The following C9orf72 variants were observed in gnomAD, a reference collection of about 807,000 sequenced individuals.
The protein encoded by C9orf72 is C9orf72-SMCR8 complex subunit.
Under a neutral mutation model 51.6 loss-of-function variants are expected in C9orf72, and 44 were observed. That is an observed-to-expected ratio of 0.85 (90% CI 0.67 to 1.10). C9orf72 has a LOEUF of 1.10. C9orf72 is among the 50% of genes least tolerant of loss of function. C9orf72 has a pLI of 0.00. For synonymous variants in C9orf72, 213 were observed against 194.2 expected, an observed-to-expected ratio of 1.10 and a Z score of -0.81; for missense variants, 607 against 570.6, an observed-to-expected ratio of 1.06 and a Z score of -0.65.
intron 7 of C9orf72, among the ~76,000 whole-genome samples, chr9:27,558,240 A>AT (rs147370410): frequency 2.7e-5 from 4 of 150,918 alleles, no homozygotes; most frequent in Non-Finnish European, 4.4e-5. Context: ...AAAAAAAAAA[A>AT]GTCCTGAGGC....
At chr9:27,568,086 C>CA (rs11418499) in intron 1 of C9orf72, among the ~76,000 whole-genome samples, 26,972 of 80,444 alleles carry the variant, frequency 0.34, 4,790 homozygotes, top group Admixed American at 0.41. Flanking sequence ...GCTAAAAGGT[C>CA]AAAAAAAAAA....
Position 27,551,258 on chromosome 9 carries a change from C to T in C9orf72, c.1092-551G>A, listed in dbSNP as rs141935445. On this transcript the variant is annotated intron_variant, in intron 8 of 10. Transcript: ENST00000380003. The stretch of plus-strand genomic sequence containing the variant: ...CTGTAAGTAACATGAACCAACTATC[C>T]AAGAAAGTACTACCTACCTTGGCAA... Among the ~76,000 whole-genome samples, 9 of 152,280 alleles carry T rather than the reference C, an allele frequency of 5.9e-5. No individual in the cohort carries two copies. The East Asian group carries it at 1.5e-3, about 26-fold the overall frequency.
In C9orf72 at chr9:27,547,926, C is replaced by CA. The variant is rs200583482; in HGVS notation, c.*309dup. Reference sequence around the variant, plus strand: ...CATGTAAACCATGAATCATGTATTTCAAAAAAACAGTAGTTGTGGTCAAGT... The same window carrying CA: ...CATGTAAACCATGAATCATGTATTTCAAAAAAAACAGTAGTTGTGGTCAAGT... On this transcript the variant is annotated 3_prime_UTR_variant, in exon 11 of 11. Coordinates refer to ENST00000380003, the MANE Select transcript of C9orf72 (RefSeq NM_018325.5). 0.02 allele frequency: 3,629 copies of CA among 180,556 alleles called. 60 individuals carry two copies. The highest frequency in any genetic ancestry group is 0.041 in the Middle Eastern group (17 of 418). 11.2% of individuals were successfully genotyped at this position (180,556 alleles called of 1,614,324 possible).
At chr9:27,560,183 G>A (rs2131538232) in intron 6 of C9orf72, 44 bp downstream of exon 6, 1 of 1,282,630 alleles carries the variant, frequency 7.8e-7, no homozygotes, top group Non-Finnish European at 1.1e-6. Flanking sequence ...TATATCATCA[G>A]TCTTAAAGAG....
chr9:27,563,329 T>C lies in C9orf72; in HGVS notation c.505-853A>G, dbSNP rs543589641. Among the ~76,000 whole-genome samples, 7 of 152,340 alleles carry C rather than the reference T, an allele frequency of 4.6e-5. No homozygotes were observed. In the East Asian group the frequency reaches 1.3e-3, roughly 29 times the overall value. ...ATAGAATCAAACTGAAAATTCAGTA[T>C]AACACATCACAAATGTAAAGTGTCT... On this transcript the variant is annotated intron_variant, in intron 3 of 10. Transcript: ENST00000380003.
intron 2 of C9orf72, 141 bp from the exon 3 acceptor site, chr9:27,565,731 T>G: frequency 1.7e-6 from 1 of 593,438 alleles, no homozygotes; most frequent in Non-Finnish European, 3.0e-6. Context: ...GGGGCAGGGG[T>G]AGGAAATTAA....
chr9:27,556,251 C>T (rs955456573), intron 8 of C9orf72, among the ~76,000 whole-genome samples: 5 of 151,964 alleles, frequency 3.3e-5, no homozygotes, highest in African/African-American at 1.2e-4. Flanking sequence ...GGGGCTGGGG[C>T]TGGGGCTGTC....
intron 7 of C9orf72, among the ~76,000 whole-genome samples, chr9:27,557,118 A>C (rs1191439504): frequency 6.6e-6 from 1 of 152,186 alleles, no homozygotes; most frequent in Non-Finnish European, 1.5e-5. Flanking sequence ...CTGTGAAAAA[A>C]GCAGATTAGA....
At chr9:27,559,148 C>CA (rs1819278892) in intron 6 of C9orf72, 2 of 151,900 alleles carry the variant, frequency 1.3e-5, no homozygotes, top group South Asian at 4.1e-4. Flanking sequence ...ACCATATCCA[C>CA]AGTTATTATG....
intron 1 of C9orf72, among the ~76,000 whole-genome samples, chr9:27,567,587 C>T (rs1425396874): frequency 1.3e-5 from 2 of 152,134 alleles, no homozygotes; most frequent in East Asian, 1.9e-4. Flanking sequence ...GGGAAAGGCT[C>T]AGCTAGAGAC....
Position 27,561,714 on chromosome 9 carries a change from A to C in C9orf72, c.601-65T>G. 8 of 1,023,596 alleles carry C rather than the reference A, an allele frequency of 7.8e-6. No homozygotes were observed. The South Asian group carries it at 1.0e-4, about 13-fold the overall frequency. 63.4% of individuals were successfully genotyped at this position (1,023,596 alleles called of 1,614,324 possible). Reference sequence around the variant, plus strand: ...AACATAGTGTTGAAATAACACTTTTAATATACAAGTTTTCGGAAGTCTGGA... The same window carrying C: ...AACATAGTGTTGAAATAACACTTTTCATATACAAGTTTTCGGAAGTCTGGA... On this transcript the variant is annotated intron_variant, in intron 4 of 10. Transcript: ENST00000380003.
intron 8 of C9orf72, among the ~76,000 whole-genome samples, chr9:27,551,468 G>A (rs1820907623): frequency 6.6e-6 from 1 of 152,150 alleles, no homozygotes; most frequent in African/African-American, 2.4e-5. Flanking sequence ...TCAGGCCAGA[G>A]GGTAAGAGAA....
intron 2 of C9orf72, 86 bp downstream of exon 2, chr9:27,566,591 A>G: frequency 1.1e-6 from 1 of 925,770 alleles, no homozygotes; most frequent in African/African-American, 1.7e-5. Flanking sequence ...CACTGCATAT[A>G]ATTAAAAAAA....
At chr9:27,555,597 T>G (rs1587305285) in intron 8 of C9orf72, among the ~76,000 whole-genome samples, 1 of 151,062 alleles carries the variant, frequency 6.6e-6, no homozygotes, top group Non-Finnish European at 1.5e-5. Flanking sequence ...AGAGTCTCGG[T>G]GTTCCCCAGG....
At chr9:27,551,933 G>A (rs1044395568) in intron 8 of C9orf72, among the ~76,000 whole-genome samples, 2 of 152,266 alleles carry the variant, frequency 1.3e-5, no homozygotes, top group African/African-American at 2.4e-5. Flanking sequence ...TATTCGTTTT[G>A]CGGCTATTGT....
intron 7 of C9orf72, among the ~76,000 whole-genome samples, chr9:27,558,145 AT>A (rs1019763482): frequency 3.2e-4 from 48 of 150,504 alleles, no homozygotes; most frequent in South Asian, 1.2e-3. Flanking sequence ...GATGTTTAAA[AT>A]TTTTTTTCAA....
chr9:27,567,097 T>C lies in C9orf72; in HGVS notation c.24A>G (p.Pro8=), dbSNP rs150335394. MSTLCPP[P]SPAVAKTEIA... ...TCTCTGTCTTGGCAACAGCTGGAGATGGCGGTGGGCAAAGAGTCGACATCA... is the reference window on the plus strand; with the variant it reads ...TCTCTGTCTTGGCAACAGCTGGAGACGGCGGTGGGCAAAGAGTCGACATCA... The change falls in exon 2 of 11, where the codon CCA becomes CCG. Residue 8 remains proline, a synonymous_variant. Transcript: ENST00000380003. 17 of 1,613,496 alleles carry C rather than the reference T, an allele frequency of 1.1e-5. No individual in the cohort carries two copies. In the African/African-American group the frequency reaches 1.1e-4, roughly 10 times the overall value.
chr9:27,556,897 C>T (rs998661703), intron 7 of C9orf72, 101 bp from the exon 8 acceptor site: 2 of 780,036 alleles, frequency 2.6e-6, no homozygotes, highest in Non-Finnish European at 2.1e-6. Flanking sequence ...AAATCCATCT[C>T]TAAAAATTTA....
chr9:27,569,095 T>A (rs539402025), intron 1 of C9orf72, among the ~76,000 whole-genome samples: 65 of 151,604 alleles, frequency 4.3e-4, no homozygotes, highest in South Asian at 6.2e-4. Flanking sequence ...AAAAAAAAAA[T>A]TTAAAATAGA....
Sources: gnomAD v4.1 joint callset for allele counts (sites outside exome capture counted in the v4.1 genomes callset) on GRCh38, gnomAD v4.1.1 for gene constraint, MANE v1.5 for transcripts, NCBI Gene and HGNC (gene_info 2026-07-23, HGNC 2026-07-21) for gene names.